Variants in TMEM229B observed in about 807,000 individuals in gnomAD.
The protein encoded by TMEM229B is chromosome 14 open reading frame 83.
Under a neutral mutation model 13.7 loss-of-function variants are expected in TMEM229B, and 6 were observed. The observed-to-expected ratio is 0.44, with a 90% CI of 0.24 to 0.86. The LOEUF is 0.86. TMEM229B is among the 40% of genes least tolerant of loss of function. The pLI, the probability that TMEM229B is intolerant of heterozygous loss-of-function variation, is 0.23. For synonymous variants in TMEM229B, 107 were observed against 102.1 expected (o/e 1.05, Z -0.29); for missense variants, 170 against 236.0 (o/e 0.72, Z 1.83).
intron 1 of TMEM229B, among the ~76,000 whole-genome samples, chr14:67,531,559 A>G (rs1044483764): frequency 7.2e-5 from 11 of 151,744 alleles, no homozygotes; most frequent in Admixed American, 3.3e-4. Flanking sequence ...AGGGGAGAGC[A>G]TGCTCCTCCC....
At chr14:67,501,047 A>G (rs1264260179) in intron 1 of TMEM229B, among the ~76,000 whole-genome samples, 2 of 81,050 alleles carry the variant, frequency 2.5e-5, no homozygotes, top group African/African-American at 9.7e-5. Flanking sequence ...TTGGGGGTTA[A>G]TAATAATAAT....
At chr14:67,479,074 A>G (rs2031411918) in intron 2 of TMEM229B, among the ~76,000 whole-genome samples, 1 of 152,154 alleles carries the variant, frequency 6.6e-6, no homozygotes, top group South Asian at 2.1e-4. Context: ...TTTTCCTAAC[A>G]AGCATGTATA....
chr14:67,506,254 A>G (rs1357641234), intron 1 of TMEM229B, among the ~76,000 whole-genome samples: 1 of 152,140 alleles, frequency 6.6e-6, no homozygotes, highest in Non-Finnish European at 1.5e-5. Flanking sequence ...AGTTGAGACT[A>G]TGCTTGTAAG....
chr14:67,504,222 C>T (rs1163178934), intron 1 of TMEM229B, among the ~76,000 whole-genome samples: 1 of 151,606 alleles, frequency 6.6e-6, no homozygotes, highest in African/African-American at 2.4e-5. Flanking sequence ...CTGTGTTGGC[C>T]AGGTTGGTCT....
At chr14:67,478,636 C>G (rs1460043558) in intron 2 of TMEM229B, among the ~76,000 whole-genome samples, 2 of 152,360 alleles carry the variant, frequency 1.3e-5, no homozygotes, top group Non-Finnish European at 2.9e-5. Context: ...GCTGGCAAAG[C>G]CCTTCACAAC....
In TMEM229B at chr14:67,473,708, C is replaced by G. The variant is rs376634767; in HGVS notation, c.216G>C (p.Pro72=). The G allele has an allele frequency of 2.8e-5, 45 of 1,597,200 alleles. No individual in the cohort carries two copies. Among genetic ancestry groups the G allele is most frequent in the South Asian group, 7.9e-5 (7 of 88,822 alleles). ...RMYLRLRGRC[P]LLLRCLIYTL... is the part of the protein sequence containing the mutation. ...TGTAGATGAGGCAGCGCAGGAGCAG[C>G]GGGCAGCGGCCGCGCAGCCGCAGGT... The change falls in exon 3 of 3, where the codon CCG becomes CCC. Residue 72 remains proline (P), a synonymous_variant. Coordinates refer to ENST00000554480, the MANE Select transcript of TMEM229B (RefSeq NM_001348543.2). This position sits in a 1 kb window ranked among gnomAD's most constrained non-coding sequence, Gnocchi z 6.5.
intron 1 of TMEM229B, among the ~76,000 whole-genome samples, chr14:67,496,421 T>TTTTTTA (rs1491168123): frequency 8.5e-6 from 1 of 117,430 alleles, no homozygotes; most frequent in African/African-American, 3.5e-5. Context: ...TTTTTTTTTT[T>TTTTTTA]GAGACAGGGT....
At chr14:67,506,842 G>A (rs2032845532) in intron 1 of TMEM229B, among the ~76,000 whole-genome samples, 2 of 152,238 alleles carry the variant, frequency 1.3e-5, no homozygotes, top group Admixed American at 6.5e-5. Context: ...AACTTAGCTG[G>A]GGGTGGTGGC....
chr14:67,475,059 G>GCGCA (rs1380718180), intron 2 of TMEM229B, among the ~76,000 whole-genome samples: 1 of 151,914 alleles, frequency 6.6e-6, no homozygotes, highest in Non-Finnish European at 1.5e-5. Flanking sequence ...GGGACTACAG[G>GCGCA]CACACACCAT....
intron 1 of TMEM229B, among the ~76,000 whole-genome samples, chr14:67,527,594 G>T (rs1476142476): frequency 2.0e-5 from 3 of 152,160 alleles, no homozygotes; most frequent in Non-Finnish European, 2.9e-5. Context: ...CTGTGTCCCC[G>T]GTGTGTTTTG....
chr14:67,496,869 C>T (rs1309831791), intron 1 of TMEM229B, among the ~76,000 whole-genome samples: 1 of 151,688 alleles, frequency 6.6e-6, no homozygotes, highest in Non-Finnish European at 1.5e-5. Flanking sequence ...GCAATCTCAG[C>T]TCACTGCAAC....
chr14:67,477,805 C>T (rs2031317545), intron 2 of TMEM229B, among the ~76,000 whole-genome samples: 1 of 152,096 alleles, frequency 6.6e-6, no homozygotes, highest in Non-Finnish European at 1.5e-5. Flanking sequence ...TTATCTTTTC[C>T]CCAAAACCTG....
intron 1 of TMEM229B, among the ~76,000 whole-genome samples, chr14:67,523,838 A>AT (rs915714383): frequency 6.6e-5 from 10 of 150,978 alleles, no homozygotes; most frequent in South Asian, 2.1e-4. Context: ...CTTTGGAGGA[A>AT]TTTTTTTTTT....
At chr14:67,531,744 A>ATT (rs757022456) in intron 1 of TMEM229B, among the ~76,000 whole-genome samples, 5 of 131,136 alleles carry the variant, frequency 3.8e-5, no homozygotes, top group East Asian at 2.2e-4. Context: ...AAAAAAAAAA[A>ATT]TTTTTTTTTT....
At chr14:67,507,144 A>T (rs2032856831) in intron 1 of TMEM229B, among the ~76,000 whole-genome samples, 1 of 152,032 alleles carries the variant, frequency 6.6e-6, no homozygotes, top group African/African-American at 2.4e-5. Context: ...AGGGCAACAG[A>T]GGGGGTTATA....
At chr14:67,508,221 C>T (rs1447940441) in intron 1 of TMEM229B, among the ~76,000 whole-genome samples, 2 of 151,990 alleles carry the variant, frequency 1.3e-5, no homozygotes, top group African/African-American at 4.8e-5. Context: ...TCCTTAGCTT[C>T]CAGTTTGACT....
chr14:67,505,986 C>A (rs1055068927), intron 1 of TMEM229B, among the ~76,000 whole-genome samples: 1 of 152,102 alleles, frequency 6.6e-6, no homozygotes, highest in South Asian at 2.1e-4. Flanking sequence ...AGGTGTGAGC[C>A]ACCTCACCTG....
At chr14:67,487,391 A>C (rs985843519) in intron 1 of TMEM229B, among the ~76,000 whole-genome samples, 5 of 152,192 alleles carry the variant, frequency 3.3e-5, no homozygotes, top group African/African-American at 1.2e-4. Context: ...GACAATCCAC[A>C]TGTCCAGGGT....
upstream of TMEM229B, among the ~76,000 whole-genome samples, chr14:67,517,243 TCTC>T (rs35031372): frequency 0.012 from 1,820 of 152,248 alleles, 41 homozygotes; most frequent in African/African-American, 0.042. Context: ...GTACGCCTAA[TCTC>T]CTTCTCTAGC....
Sources: gnomAD v4.1 joint callset for allele counts (sites outside exome capture counted in the v4.1 genomes callset) on GRCh38, gnomAD v4.1.1 for gene constraint, Gnocchi (gnomAD v3.1) non-coding constraint, MANE v1.5 for transcripts, NCBI Gene and HGNC (gene_info 2026-07-23, HGNC 2026-07-21) for gene names.